ILRUN: variants seen among roughly 807,000 people sequenced by gnomAD.
ILRUN encodes inflammation and lipid regulator with UBA-like and NBR1-like domains.
ILRUN carries 3 observed loss-of-function variants against 33.8 expected under a neutral mutation model. The ratio of observed to expected loss-of-function variants is 0.09; its 90% CI spans 0.04 to 0.23. The LOEUF (loss-of-function observed/expected upper bound fraction) is 0.23, where lower values mean the gene tolerates loss of function less well. Among genes scored for constraint, ILRUN ranks in the 10% least tolerant of loss-of-function variants. The probability of loss-of-function intolerance (pLI) is 1.00; values close to 1 mark genes in which losing one functional copy is unlikely to be tolerated. For synonymous variants in ILRUN, 124 were observed against 138.9 expected, an observed-to-expected ratio of 0.89 and a Z score of 0.75; for missense variants, 210 against 375.1, an observed-to-expected ratio of 0.56 and a Z score of 3.64.
chr6:34,682,147 C>T (rs866777114), intron 1 of ILRUN, among the ~76,000 whole-genome samples: 1 of 150,638 alleles, frequency 6.6e-6, no homozygotes, highest in Non-Finnish European at 1.5e-5. Context: ...GCTGGGATTA[C>T]AGGCATGAGC....
intron 3 of ILRUN, among the ~76,000 whole-genome samples, chr6:34,645,018 T>C (rs1056600500): frequency 6.6e-5 from 10 of 152,208 alleles, no homozygotes; most frequent in Admixed American, 3.9e-4. Flanking sequence ...TTACAGTAGG[T>C]ACAAAGGCTT....
chr6:34,602,255 A>G (rs1299233466), intron 4 of ILRUN, among the ~76,000 whole-genome samples: 3 of 152,290 alleles, frequency 2.0e-5, no homozygotes, highest in African/African-American at 7.2e-5. Flanking sequence ...TAGCTGTCCT[A>G]AAGAACAGCC....
chr6:34,690,299 A>G (rs1466163133), intron 1 of ILRUN, among the ~76,000 whole-genome samples: 1 of 152,004 alleles, frequency 6.6e-6, no homozygotes, highest in Non-Finnish European at 1.5e-5. Context: ...TGATTCTACT[A>G]ATAATACAAA....
chr6:34,691,177 T>A (rs1011402884), intron 1 of ILRUN, among the ~76,000 whole-genome samples: 3 of 152,084 alleles, frequency 2.0e-5, no homozygotes, highest in Non-Finnish European at 4.4e-5. Flanking sequence ...TGTGAGCCAC[T>A]GCACCTGGCC....
intron 3 of ILRUN, among the ~76,000 whole-genome samples, chr6:34,644,677 T>C (rs181341405): frequency 1.3e-5 from 2 of 151,984 alleles, no homozygotes; most frequent in African/African-American, 4.8e-5. Context: ...ATACCTAATA[T>C]ACAATGTGTT....
intron 1 of ILRUN, among the ~76,000 whole-genome samples, chr6:34,694,789 C>A (rs557785802): frequency 6.4e-4 from 97 of 152,044 alleles, no homozygotes; most frequent in African/African-American, 2.2e-3. Context: ...GTGGCTCACA[C>A]CTGTTCCCAG....
rs928947760 is a variant in ILRUN, at chr6:34,622,774, G to T, written c.512-15870C>A. On this transcript the variant is annotated intron_variant, in intron 3 of 4. Coordinates refer to ENST00000374023, the MANE Select transcript of ILRUN (RefSeq NM_024294.4). ...ATATAAACTAAAGATCTGAAAACAG[G>T]GTCTCAAAGAGATATTTGTACACCC... is the stretch of plus-strand genomic sequence containing the variant. Among the ~76,000 whole-genome samples the T allele has an allele frequency of 1.1e-4, 16 of 152,054 alleles. 1 individual carries two copies. Among genetic ancestry groups the T allele is most frequent in the Admixed American group, 5.2e-4 (8 of 15,252 alleles).
chr6:34,665,895 C>A (rs1055112241), intron 1 of ILRUN, among the ~76,000 whole-genome samples: 1 of 151,618 alleles, frequency 6.6e-6, no homozygotes, highest in South Asian at 2.1e-4. Flanking sequence ...ATAATTCTTG[C>A]CTTTGAGATT....
In ILRUN at chr6:34,616,890, A is replaced by G. The variant is rs1267508217; in HGVS notation, c.512-9986T>C. 5 of 646,478 alleles carry G rather than the reference A, an allele frequency of 7.7e-6. No individual in the cohort carries two copies. In the African/African-American group the frequency reaches 8.9e-5, roughly 12 times the overall value. 40.0% of individuals were successfully genotyped at this position (646,478 alleles called of 1,614,324 possible). A position where few individuals can be genotyped will look rare whatever the true frequency, so the allele number is the denominator to read the frequency against. ...TTTAATGGAACTTTTGTGAAGCTCA[A>G]CAAGGCTTCAATTAACATGCTGAGG... is the stretch of plus-strand genomic sequence containing the variant. On this transcript the variant is annotated intron_variant, in intron 3 of 4. Coordinates refer to ENST00000374023, the MANE Select transcript of ILRUN (RefSeq NM_024294.4).
chr6:34,591,499 ATT>A (rs545549009), intron 4 of ILRUN, among the ~76,000 whole-genome samples: 20 of 139,314 alleles, frequency 1.4e-4, no homozygotes, highest in Admixed American at 1.4e-4. Context: ...TCCTGTCTCA[ATT>A]TTTTTTTTTT....
At chr6:34,657,170 T>G (rs75041320) in intron 1 of ILRUN, among the ~76,000 whole-genome samples, 1 of 152,254 alleles carries the variant, frequency 6.6e-6, no homozygotes, top group Admixed American at 6.5e-5. Context: ...GCTGTATGTC[T>G]ACCGTTTTGA....
chr6:34,684,858 T>C (rs1007782011), intron 1 of ILRUN, among the ~76,000 whole-genome samples: 1 of 151,992 alleles, frequency 6.6e-6, no homozygotes, highest in Non-Finnish European at 1.5e-5. Context: ...CCAGGAAAGG[T>C]AGAAGTAGGT....
At chr6:34,627,857 C>T (rs1394300617) in intron 3 of ILRUN, among the ~76,000 whole-genome samples, 1 of 151,992 alleles carries the variant, frequency 6.6e-6, no homozygotes, top group African/African-American at 2.4e-5. Context: ...ACATGCACCA[C>T]CATACCCGGC....
intron 1 of ILRUN, among the ~76,000 whole-genome samples, chr6:34,690,969 C>T (rs538421410): frequency 6.6e-6 from 1 of 152,220 alleles, no homozygotes; most frequent in South Asian, 2.1e-4. Context: ...ACTGCAAGCT[C>T]CGCCTCCTGG....
At chr6:34,691,334 G>C (rs1763645459) in intron 1 of ILRUN, among the ~76,000 whole-genome samples, 1 of 152,124 alleles carries the variant, frequency 6.6e-6, no homozygotes, top group Non-Finnish European at 1.5e-5. Flanking sequence ...TTTAGATATT[G>C]GGTTTACTTT....
At chr6:34,661,181 G>A (rs1458743847) in intron 1 of ILRUN, among the ~76,000 whole-genome samples, 1 of 152,200 alleles carries the variant, frequency 6.6e-6, no homozygotes, top group Non-Finnish European at 1.5e-5. Flanking sequence ...AAGAAAGGAA[G>A]TGGTGGCATT....
intron 3 of ILRUN, among the ~76,000 whole-genome samples, chr6:34,615,456 C>A (rs1434371450): frequency 6.6e-6 from 1 of 152,040 alleles, no homozygotes; most frequent in Non-Finnish European, 1.5e-5. Flanking sequence ...ATTAGCCAGG[C>A]ATGGTGGCAC....
At chr6:34,627,704 C>CA (rs1762165865) in intron 3 of ILRUN, among the ~76,000 whole-genome samples, 2 of 134,910 alleles carry the variant, frequency 1.5e-5, no homozygotes, top group Non-Finnish European at 3.2e-5. Flanking sequence ...GTCTTTGGCC[C>CA]TTTTTTTTTT....
At chr6:34,620,967 T>C (rs905514664) in intron 3 of ILRUN, among the ~76,000 whole-genome samples, 4 of 152,198 alleles carry the variant, frequency 2.6e-5, no homozygotes, top group South Asian at 2.1e-4. Flanking sequence ...TGTTTTAAAA[T>C]CCATAACACT....
Sources: gnomAD v4.1 joint callset for allele counts (sites outside exome capture counted in the v4.1 genomes callset) on GRCh38, gnomAD v4.1.1 for gene constraint, MANE v1.5 for transcripts, NCBI Gene and HGNC (gene_info 2026-07-23, HGNC 2026-07-21) for gene names.